RXFP1: variants seen among roughly 807,000 people sequenced by gnomAD.
RXFP1 encodes the protein relaxin family peptide receptor 1.
Under a neutral mutation model 89.8 loss-of-function variants are expected in RXFP1, and 73 were observed. The ratio of observed to expected loss-of-function variants is 0.81; its 90% CI spans 0.67 to 0.99. The LOEUF (loss-of-function observed/expected upper bound fraction) is 0.99, where lower values mean the gene tolerates loss of function less well. Ranked by LOEUF, RXFP1 falls within the 50% of genes least tolerant of loss-of-function variation. RXFP1 has a pLI of 0.00. For synonymous variants in RXFP1, 277 were observed against 305.5 expected, an observed-to-expected ratio of 0.91 and a Z score of 0.97; for missense variants, 793 against 895.5, an observed-to-expected ratio of 0.89 and a Z score of 1.46.
At chr4:158,567,040 C>T (rs1335443645) in intron 1 of RXFP1, among the ~76,000 whole-genome samples, 1 of 152,174 alleles carries the variant, frequency 6.6e-6, no homozygotes, top group Non-Finnish European at 1.5e-5. Context: ...CTCGGAGTGG[C>T]CGGCCGGCCC....
At chr4:158,536,435 G>A (rs28473004) in intron 1 of RXFP1, among the ~76,000 whole-genome samples, 3,842 of 152,234 alleles carry the variant, frequency 0.025, 133 homozygotes, top group African/African-American at 0.088. Context: ...TGGGAAATGC[G>A]TCAATCAGAG....
At chr4:158,529,775 T>TCACCA (rs1409650831) in intron 1 of RXFP1, among the ~76,000 whole-genome samples, 1 of 152,214 alleles carries the variant, frequency 6.6e-6, no homozygotes, top group Non-Finnish European at 1.5e-5. Flanking sequence ...TTCCTTAGTC[T>TCACCA]CACCACACCT....
chr4:158,588,431 A>G (rs1758726216), intron 2 of RXFP1, among the ~76,000 whole-genome samples: 1 of 152,186 alleles, frequency 6.6e-6, no homozygotes, highest in Non-Finnish European at 1.5e-5. Flanking sequence ...GTGGGTGTAA[A>G]CAAAGTTGAC....
At chr4:158,561,419 A>C (rs1055786267) in intron 1 of RXFP1, among the ~76,000 whole-genome samples, 2 of 152,144 alleles carry the variant, frequency 1.3e-5, no homozygotes, top group Non-Finnish European at 2.9e-5. Flanking sequence ...AATCATTTTA[A>C]TATTGTATAA....
At chr4:158,606,948 AC>A in intron 5 of RXFP1, 1 of 830,610 alleles carries the variant, frequency 1.2e-6, no homozygotes. Context: ...GAAATAGGGT[AC>A]TTTTCAGTCA....
At position 158,546,295 on chromosome 4, in the gene RXFP1, G is replaced by C. The variant is rs557155862; in HGVS notation, c.49+24270G>C. On this transcript the variant is annotated intron_variant, in intron 1 of 17. Transcript: ENST00000307765. ...AGAATGCTTGGGATTTTCATACATT[G>C]ATTTTGTATCCCGAGACTTTTCTGA... is the stretch of plus-strand genomic sequence containing the variant. 9.7e-4 allele frequency among the ~76,000 whole-genome samples: 148 copies of C among 152,268 alleles called. 1 individual carries two copies. The highest frequency in any genetic ancestry group is 3.4e-3 in the Middle Eastern group (1 of 294).
At chr4:158,616,948 G>A (rs571010842) in intron 8 of RXFP1, among the ~76,000 whole-genome samples, 183 bp from the exon 9 acceptor site, 1 of 148,738 alleles carries the variant, frequency 6.7e-6, no homozygotes, top group African/African-American at 2.5e-5. Flanking sequence ...TCCATGAGCT[G>A]AGATCGTGTC....
rs1243811405 is a variant in RXFP1, at chr4:158,599,362, G to A, written c.323G>A (p.Gly108Asp). Residue 108 changes from glycine to aspartate, a missense_variant, in exon 4 of 18, where the codon GGT becomes GAT. Gly to Asp is a moderately conservative substitution (Grantham distance 94). Coordinates refer to ENST00000307765, the MANE Select transcript of RXFP1 (RefSeq NM_021634.4). ...GSVPVQCLCQ[G>D]LELDCDETNL... Reference sequence around the variant, plus strand: ...GTGCCAGTGCAATGTCTTTGCCAAGGTCTGGAGCTTGACTGTGATGAAACC... The same window carrying A: ...GTGCCAGTGCAATGTCTTTGCCAAGATCTGGAGCTTGACTGTGATGAAACC... 1 of 1,613,882 alleles carries A rather than the reference G, an allele frequency of 6.2e-7. No homozygotes were observed. The highest frequency in any genetic ancestry group is 1.1e-5 in the South Asian group (1 of 91,062).
chr4:158,588,100 A>G (rs928277438), intron 2 of RXFP1, among the ~76,000 whole-genome samples: 5 of 152,168 alleles, frequency 3.3e-5, no homozygotes, highest in Non-Finnish European at 5.9e-5. Context: ...GTGATTCCGG[A>G]GCCCAGTAGA....
chr4:158,648,828 C>T, intron 17 of RXFP1, 111 bp downstream of exon 17: 2 of 708,714 alleles, frequency 2.8e-6, no homozygotes, highest in Non-Finnish European at 4.5e-6. Flanking sequence ...AATTGTACAT[C>T]AGATCCGAGC....
intron 1 of RXFP1, among the ~76,000 whole-genome samples, chr4:158,571,099 A>T (rs1438720367): frequency 6.6e-6 from 1 of 152,126 alleles, no homozygotes; most frequent in Non-Finnish European, 1.5e-5. Context: ...ATTTTCCATT[A>T]CATCACCTGT....
intron 9 of RXFP1, among the ~76,000 whole-genome samples, chr4:158,625,140 C>A (rs1766452359): frequency 6.6e-6 from 1 of 152,098 alleles, no homozygotes; most frequent in Admixed American, 6.6e-5. Flanking sequence ...AAGGAAATGG[C>A]CAGTCCCTGT....
At chr4:158,630,601 C>G (rs1336256971) in intron 11 of RXFP1, among the ~76,000 whole-genome samples, 1 of 152,082 alleles carries the variant, frequency 6.6e-6, no homozygotes, top group Non-Finnish European at 1.5e-5. Flanking sequence ...TAGTGCATAA[C>G]CAATGCTAAT....
chr4:158,604,294 A>G (rs1010162354), intron 4 of RXFP1, among the ~76,000 whole-genome samples: 5 of 152,198 alleles, frequency 3.3e-5, no homozygotes, highest in Non-Finnish European at 7.3e-5. Flanking sequence ...TCATATTATT[A>G]GATACCATCT....
At chr4:158,626,912 T>G in intron 10 of RXFP1, 21 bp downstream of exon 10, 1 of 1,224,394 alleles carries the variant, frequency 8.2e-7, no homozygotes, top group Non-Finnish European at 1.2e-6. Context: ...TGCTATGCTT[T>G]TGAAGTAATA....
chr4:158,647,891 C>A (rs4395459), intron 16 of RXFP1, among the ~76,000 whole-genome samples: 4,291 of 152,214 alleles, frequency 0.028, 199 homozygotes, highest in African/African-American at 0.097. Context: ...TGGCACGCAC[C>A]TGTAGTCCCA....
chr4:158,644,499 A>G (rs1166719386), intron 14 of RXFP1, among the ~76,000 whole-genome samples: 1 of 152,200 alleles, frequency 6.6e-6, no homozygotes, highest in Non-Finnish European at 1.5e-5. Flanking sequence ...AAGCACAGAA[A>G]AGAAAACACT....
chr4:158,639,234 A>G (rs1324705567), intron 13 of RXFP1, 26 bp from the exon 14 acceptor site: 12 of 1,276,224 alleles, frequency 9.4e-6, no homozygotes, highest in Non-Finnish European at 1.4e-5. Context: ...TGTTCCTTTG[A>G]TTGATTATTA....
At chr4:158,622,717 A>G (rs1580143405) in intron 9 of RXFP1, among the ~76,000 whole-genome samples, 1 of 152,110 alleles carries the variant, frequency 6.6e-6, no homozygotes, top group South Asian at 2.1e-4. Flanking sequence ...TGGCAGGGGG[A>G]ATGAGGAGAT....
Sources: allele counts gnomAD v4.1 joint callset (sites outside exome capture counted in the v4.1 genomes callset), GRCh38; gene constraint gnomAD v4.1.1; transcripts MANE v1.5; gene names NCBI Gene and HGNC (gene_info 2026-07-23, HGNC 2026-07-21).